Variants in COL8A2 observed in about 807,000 individuals in gnomAD.
COL8A2 encodes the protein collagen alpha-2(VIII) chain.
COL8A2 carries 16 observed loss-of-function variants against 24.0 expected under a neutral mutation model. The observed-to-expected ratio is 0.67, with a 90% CI of 0.45 to 1.01. COL8A2 has a LOEUF of 1.01. COL8A2 is among the 50% of genes least tolerant of loss of function. The pLI is 0.00. For synonymous variants in COL8A2, 466 were observed against 424.5 expected (o/e 1.10, Z -1.20); for missense variants, 818 against 942.4 (o/e 0.87, Z 1.73).
intron 2 of COL8A2, among the ~76,000 whole-genome samples, chr1:36,113,163 C>T (rs990230852): frequency 4.6e-5 from 7 of 152,180 alleles, no homozygotes; most frequent in African/African-American, 1.4e-4. Flanking sequence ...ACCAGCTCAA[C>T]GCAGGAGCCA....
rs760623325 is a variant in COL8A2, at chr1:36,098,553, C to G, written c.1128G>C (p.Gly376=). The G allele has an allele frequency of 1.9e-5, 31 of 1,602,520 alleles. No individual in the cohort carries two copies. The highest frequency in any genetic ancestry group is 2.6e-5 in the Non-Finnish European group (31 of 1,175,632). The change falls in exon 4 of 4, where the codon GGG becomes GGC. Residue 376 remains glycine (G), a synonymous_variant. Transcript: ENST00000397799. ...AGLPGRRGPP[G]PKGEAGPGGP... ...CTCCAGGCCCTGCCTCACCCTTAGG[C>G]CCAGGGGGCCCACGTCTGCCAGGAA...
intron 2 of COL8A2, among the ~76,000 whole-genome samples, chr1:36,111,794 C>T (rs142464233): frequency 2.0e-4 from 31 of 152,140 alleles, no homozygotes; most frequent in African/African-American, 6.3e-4. Context: ...TCAAGTGATC[C>T]TCCCACCTCA....
At chr1:36,114,191 C>T (rs1030835453) in intron 2 of COL8A2, among the ~76,000 whole-genome samples, 12 of 151,776 alleles carry the variant, frequency 7.9e-5, no homozygotes, top group Admixed American at 7.2e-4. Flanking sequence ...TGGTAGAGGG[C>T]GCCTATAGTC....
At chr1:36,102,673 T>TTG (rs1218472044) in intron 2 of COL8A2, among the ~76,000 whole-genome samples, 1 of 101,860 alleles carries the variant, frequency 9.8e-6, no homozygotes, top group Non-Finnish European at 1.9e-5. Flanking sequence ...GGTTTTTTGT[T>TTG]TTTTTTTTTT....
intron 2 of COL8A2, among the ~76,000 whole-genome samples, chr1:36,100,887 CTTTTTTTTTTT>C (rs139330748): frequency 1.8e-4 from 9 of 50,132 alleles, no homozygotes; most frequent in Admixed American, 8.0e-4. Flanking sequence ...GCATTCAAGG[CTTTTTTTTTTT>C]TTTTTTTTTT....
intron 2 of COL8A2, among the ~76,000 whole-genome samples, chr1:36,109,929 CTTTTTTTT>C (rs35479902): frequency 2.2e-5 from 2 of 92,050 alleles, no homozygotes; most frequent in Admixed American, 1.2e-4. Flanking sequence ...CCTTTACTTC[CTTTTTTTT>C]TTTTTTTTTT....
Position 36,096,807 on chromosome 1 carries a change from C to G in COL8A2, c.*762G>C, listed in dbSNP as rs1383738359. On this transcript the variant is annotated 3_prime_UTR_variant, in exon 4 of 4. Transcript: ENST00000397799. Reference sequence around the variant, plus strand: ...AGGTGTCCCAGGGGCCTCTGTGCTGCCCTCAAGCTAAACAGCCAGAGCTGG... The same window carrying G: ...AGGTGTCCCAGGGGCCTCTGTGCTGGCCTCAAGCTAAACAGCCAGAGCTGG... 2 of 152,530 alleles carry G rather than the reference C, an allele frequency of 1.3e-5. No homozygotes were observed. Among genetic ancestry groups the G allele is most frequent in the Non-Finnish European group, 2.9e-5 (2 of 68,342 alleles). 9.4% of individuals were successfully genotyped at this position (152,530 alleles called of 1,614,324 possible). A position where few individuals can be genotyped will look rare whatever the true frequency, so the allele number is the denominator to read the frequency against.
At chr1:36,119,036 C>T (rs1426625870) in intron 1 of COL8A2, among the ~76,000 whole-genome samples, 6 of 152,162 alleles carry the variant, frequency 3.9e-5, no homozygotes, top group African/African-American at 1.4e-4. Flanking sequence ...TATTTACTCC[C>T]GTAACCCTGG....
Position 36,096,774 on chromosome 1 carries a change from T to G in COL8A2, c.*795A>C, listed in dbSNP as rs41267271. The G allele has an allele frequency of 6.6e-5, 10 of 152,364 alleles. No individual in the cohort carries two copies. The highest frequency in any genetic ancestry group is 2.4e-4 in the African/African-American group (10 of 41,472). 9.4% of individuals were successfully genotyped at this position (152,364 alleles called of 1,614,324 possible). On this transcript the variant is annotated 3_prime_UTR_variant, in exon 4 of 4. Transcript: ENST00000397799. ...GACACTTCACAGAGGTTGATCTTTC[T>G]GGCCTGTAGGTGTCCCAGGGGCCTC...
intron 1 of COL8A2, among the ~76,000 whole-genome samples, chr1:36,116,804 C>T (rs1643881761): frequency 6.6e-6 from 1 of 152,124 alleles, no homozygotes; most frequent in Non-Finnish European, 1.5e-5. Flanking sequence ...AATCTGAATG[C>T]CATGCTTGCA....
chr1:36,112,809 C>G (rs1000296403), intron 2 of COL8A2, among the ~76,000 whole-genome samples: 1 of 152,152 alleles, frequency 6.6e-6, no homozygotes, highest in Non-Finnish European at 1.5e-5. Context: ...TTCTGGGGCC[C>G]CATCGAGATT....
chr1:36,113,632 G>A (rs1391225370), intron 2 of COL8A2, among the ~76,000 whole-genome samples: 1 of 152,250 alleles, frequency 6.6e-6, no homozygotes, highest in Non-Finnish European at 1.5e-5. Flanking sequence ...GAATCTGGGA[G>A]CTGGAGGGTG....
At chr1:36,118,149 G>T (rs958913467) in intron 1 of COL8A2, among the ~76,000 whole-genome samples, 1 of 152,230 alleles carries the variant, frequency 6.6e-6, no homozygotes, top group Non-Finnish European at 1.5e-5. Context: ...TGTAACCCTG[G>T]AAGGTTGGAA....
At chr1:36,100,342 A>G in intron 2 of COL8A2, 84 bp from the exon 3 acceptor site, 1 of 1,185,746 alleles carries the variant, frequency 8.4e-7, no homozygotes, top group South Asian at 1.3e-5. Flanking sequence ...ATCAGAATTT[A>G]GAGATTACAC....
At position 36,125,147 on chromosome 1, in the gene COL8A2, G is replaced by C; in HGVS notation, c.-152C>G. On this transcript the variant is annotated 5_prime_UTR_variant, in exon 1 of 4. Coordinates refer to ENST00000397799, the MANE Select transcript of COL8A2 (RefSeq NM_005202.4). This position sits in a 1 kb window ranked among gnomAD's most constrained non-coding sequence, Gnocchi z 4.5. ...GGCAGGGGCGTCCGCGGCTGGGCGG[G>C]CGGCGTTGGGGTCCGGGGTCCGCGC... 1.5e-6 allele frequency: 1 copy of C among 672,964 alleles called. No homozygotes were observed. The highest frequency in any genetic ancestry group is 1.8e-6 in the Non-Finnish European group (1 of 546,708). 41.7% of individuals were successfully genotyped at this position (672,964 alleles called of 1,614,324 possible).
intron 1 of COL8A2, among the ~76,000 whole-genome samples, chr1:36,120,026 A>G (rs1403395026): frequency 6.6e-5 from 10 of 152,028 alleles, no homozygotes. Flanking sequence ...TGCAGGACCC[A>G]CCAGGGACCA....
rs571229508 is a variant in COL8A2 at position 36,098,363 on chromosome 1, C to A, written c.1318G>T (p.Val440Leu). ...GFTGRPGGPG[V>L]AGALGQKGDL... The stretch of plus-strand genomic sequence containing the variant: ...CCTTTCTGCCCCAGGGCTCCTGCCA[C>A]CCCTGGTCCTCCAGGGCGACCCGTG... The change falls in exon 4 of 4, where the codon GTG becomes TTG. Residue 440 changes from valine to leucine, a missense_variant. Coordinates refer to ENST00000397799, the MANE Select transcript of COL8A2 (RefSeq NM_005202.4). 32 of 1,552,514 alleles carry A rather than the reference C, an allele frequency of 2.1e-5. No homozygotes were observed. The African/African-American group carries it at 3.6e-4, about 17-fold the overall frequency.
rs1404594334 is a variant in COL8A2 at position 36,123,185 on chromosome 1, C to T, written c.-62+1872G>A. ...CTGTGTCTCTCTCGTTCCTCCGACC[C>T]GACACTATAATTTCCTCCTGCCACG... On this transcript the variant is annotated intron_variant, in intron 1 of 3. Coordinates refer to ENST00000397799, the MANE Select transcript of COL8A2 (RefSeq NM_005202.4). This position sits in a 1 kb window ranked among gnomAD's most constrained non-coding sequence, Gnocchi z 4.1. 6.6e-6 allele frequency among the ~76,000 whole-genome samples: 1 copy of T among 152,198 alleles called. No individual in the cohort carries two copies. Among genetic ancestry groups the T allele is most frequent in the Non-Finnish European group, 1.5e-5 (1 of 68,042 alleles).
In COL8A2 at chr1:36,106,766, C is replaced by A. The variant is rs1000454044; in HGVS notation, c.-16-6508G>T. Among the ~76,000 whole-genome samples, 8 of 152,342 alleles carry A rather than the reference C, an allele frequency of 5.3e-5. No individual in the cohort carries two copies. In the Middle Eastern group the frequency reaches 0.01, roughly 194 times the overall value. On this transcript the variant is annotated intron_variant, in intron 2 of 3. Transcript: ENST00000397799. ...GGAGCCCAGGCGGCACCCCCGCAAG[C>A]TGCCCACCTTTCCTTCCTCCTTGGT...
Sources: allele counts gnomAD v4.1 joint callset (sites outside exome capture counted in the v4.1 genomes callset), GRCh38; gene constraint gnomAD v4.1.1; non-coding constraint Gnocchi (gnomAD v3.1); transcripts MANE v1.5; gene names NCBI Gene and HGNC (gene_info 2026-07-23, HGNC 2026-07-21).